Variants in OPRM1 observed in about 807,000 individuals in gnomAD.
OPRM1 encodes the protein mu-type opioid receptor.
A neutral mutation model predicts 31.8 loss-of-function variants in OPRM1; 27 were observed. The observed-to-expected ratio is 0.85, with a 90% CI of 0.63 to 1.17. The LOEUF is 1.17. Among genes scored for constraint, OPRM1 ranks in the 50% most tolerant of loss-of-function variants. OPRM1 has a pLI of 0.00. For missense variants in OPRM1, 536 were observed against 511.1 expected (o/e 1.05, Z -0.47); for synonymous variants, 196 against 189.9 (o/e 1.03, Z -0.26).
chr6:154,088,851 T>C (rs1409871946), intron 1 of OPRM1, among the ~76,000 whole-genome samples: 1 of 152,210 alleles, frequency 6.6e-6, no homozygotes, highest in Non-Finnish European at 1.5e-5. Context: ...TGCCATTCCC[T>C]GGTAGAATGT....
chr6:154,129,218 G>A lies in OPRM1; in HGVS notation c.*10497G>A, dbSNP rs565232089. Among the ~76,000 whole-genome samples the A allele has an allele frequency of 1.1e-4, 17 of 152,298 alleles. No individual in the cohort carries two copies. Among genetic ancestry groups the A allele is most frequent in the Non-Finnish European group, 2.5e-4 (17 of 68,026 alleles). On this transcript the variant is annotated 3_prime_UTR_variant, in exon 4 of 4. Coordinates refer to ENST00000330432, the MANE Select transcript of OPRM1 (RefSeq NM_000914.5). The stretch of plus-strand genomic sequence containing the variant: ...GAGCAAGCAAGGGGTATGTGACAGG[G>A]GCTGCATGCACCGGTGGTCTGGGAG...
chr6:154,170,452 A>G (rs1184364169), intron 3 of OPRM1, among the ~76,000 whole-genome samples: 2 of 152,224 alleles, frequency 1.3e-5, no homozygotes, highest in Admixed American at 6.5e-5. Flanking sequence ...TGCAAGAATT[A>G]GTTTCCCCTA....
chr6:154,190,475 C>A (rs1182149071), intron 3 of OPRM1, among the ~76,000 whole-genome samples: 2 of 152,178 alleles, frequency 1.3e-5, no homozygotes, highest in Non-Finnish European at 2.9e-5. Context: ...TACCCACCTA[C>A]TAGCATGGCG....
In OPRM1 at chr6:154,128,674, T is replaced by C. The variant is rs1455632256; in HGVS notation, c.*9953T>C. ...GTTGAAGCAATCATACTGGTTGTTC[T>C]CGAACTAGCTGGTTTCCCAGAGACA... On this transcript the variant is annotated 3_prime_UTR_variant, in exon 4 of 4. Coordinates refer to ENST00000330432, the MANE Select transcript of OPRM1 (RefSeq NM_000914.5). Among the ~76,000 whole-genome samples the C allele has an allele frequency of 1.3e-5, 2 of 152,220 alleles. No homozygotes were observed. Among genetic ancestry groups the C allele is most frequent in the African/African-American group, 4.8e-5 (2 of 41,466 alleles).
chr6:154,139,507 C>T (rs78090708), intron 3 of OPRM1, among the ~76,000 whole-genome samples: 1,760 of 152,256 alleles, frequency 0.012, 33 homozygotes, highest in African/African-American at 0.041. Context: ...TGAAGAGAAA[C>T]AGCTACCATG....
Position 154,087,217 on chromosome 6 carries a change from A to C in OPRM1, c.291-2609A>C, listed in dbSNP as rs539317838. ...TATTGCAGACCAGATCAGGTATCAG[A>C]ATTTTAAAGCTTCAGTAACAAAGCT... On this transcript the variant is annotated intron_variant, in intron 1 of 3. Transcript: ENST00000330432. The C allele has an allele frequency of 3.0e-6, 3 of 985,438 alleles. No homozygotes were observed. The Middle Eastern group carries it at 1.6e-3, about 515-fold the overall frequency. 61.0% of individuals were successfully genotyped at this position (985,438 alleles called of 1,614,324 possible). A position where few individuals can be genotyped will look rare whatever the true frequency, so the allele number is the denominator to read the frequency against.
intron 3 of OPRM1, among the ~76,000 whole-genome samples, chr6:154,169,436 A>C (rs1024507318): frequency 6.6e-6 from 1 of 152,096 alleles, no homozygotes. Context: ...CTGAGACAAA[A>C]TTCATCTCCA....
At chr6:154,100,873 TTATAAA>T (rs1794733699) in intron 3 of OPRM1, among the ~76,000 whole-genome samples, 2 of 148,876 alleles carry the variant, frequency 1.3e-5, no homozygotes, top group Admixed American at 6.7e-5. Context: ...TTAGGAGATT[TTATAAA>T]TATAAATATA....
At chr6:154,074,820 A>G (rs1197123898) in intron 1 of OPRM1, among the ~76,000 whole-genome samples, 1 of 152,108 alleles carries the variant, frequency 6.6e-6, no homozygotes, top group Non-Finnish European at 1.5e-5. Context: ...AGAAAATGGG[A>G]TGGAAATGGA....
intron 1 of OPRM1, among the ~76,000 whole-genome samples, chr6:154,047,191 A>G (rs1246773879): frequency 3.7e-5 from 2 of 54,740 alleles, no homozygotes; most frequent in African/African-American, 1.4e-4. Flanking sequence ...CCCCCACCCC[A>G]CAGAAGCCAC....
rs148889630 is a variant in OPRM1 at position 154,206,708 on chromosome 6, C to A, written c.1165-39985C>A. On this transcript the variant is annotated intron_variant, in intron 3 of 3. Transcript: ENST00000337049. ...ACTAGAGATGTTCTCATGAAGGAAT[C>A]TACATCTGAAGCTACCATTTTGAAA... Among the ~76,000 whole-genome samples, 228 of 152,296 alleles carry A rather than the reference C, an allele frequency of 1.5e-3. 1 individual carries two copies. The highest frequency in any genetic ancestry group is 5.2e-3 in the African/African-American group (218 of 41,568).
chr6:154,100,702 A>T (rs1000493992), intron 3 of OPRM1, among the ~76,000 whole-genome samples: 2 of 151,612 alleles, frequency 1.3e-5, no homozygotes, highest in African/African-American at 2.4e-5. Context: ...TATAGAGCAC[A>T]TTTTTTGTGT....
intron 3 of OPRM1, among the ~76,000 whole-genome samples, chr6:154,098,101 T>A (rs952937689): frequency 3.8e-4 from 58 of 152,202 alleles, no homozygotes; most frequent in African/African-American, 1.3e-3. Context: ...AGAAAAAAAA[T>A]TTTAATTAGT....
intron 3 of OPRM1, among the ~76,000 whole-genome samples, chr6:154,224,755 T>C (rs1375346032): frequency 6.6e-6 from 1 of 152,086 alleles, no homozygotes; most frequent in Non-Finnish European, 1.5e-5. Flanking sequence ...AACTCAATTC[T>C]AATGGGCACT....
At chr6:154,246,686 T>A (rs1469409749) in intron 3 of OPRM1, 1 of 1,614,020 alleles carries the variant, frequency 6.2e-7, no homozygotes, top group Non-Finnish European at 8.5e-7. Context: ...TCCTTTTTCT[T>A]ATACAGCCAC....
At chr6:154,092,768 C>T (rs1033963336) in intron 3 of OPRM1, among the ~76,000 whole-genome samples, 4 of 152,198 alleles carry the variant, frequency 2.6e-5, no homozygotes, top group Admixed American at 2.0e-4. Flanking sequence ...AATCCTCATA[C>T]CCCTGGTATT....
At chr6:154,207,560 T>TTTTTTTTG (rs1562541490) in intron 3 of OPRM1, among the ~76,000 whole-genome samples, 2 of 147,846 alleles carry the variant, frequency 1.4e-5, no homozygotes, top group African/African-American at 5.0e-5. Flanking sequence ...CTTTTTGGGG[T>TTTTTTTTG]TTTTTTTGTT....
At chr6:154,106,013 T>C (rs780988202) in intron 3 of OPRM1, among the ~76,000 whole-genome samples, 3 of 152,200 alleles carry the variant, frequency 2.0e-5, no homozygotes, top group Non-Finnish European at 2.9e-5. Context: ...TTTATTCCAA[T>C]GTTTAATTTA....
At chr6:154,159,644 C>T (rs1372595222) in intron 3 of OPRM1, 2 of 604,160 alleles carry the variant, frequency 3.3e-6, no homozygotes, top group East Asian at 2.8e-5. Context: ...GGATGCGTTA[C>T]GACTGAAATG....
Sources: allele counts gnomAD v4.1 joint callset (sites outside exome capture counted in the v4.1 genomes callset), GRCh38; gene constraint gnomAD v4.1.1; transcripts MANE v1.5; gene names NCBI Gene and HGNC (gene_info 2026-07-23, HGNC 2026-07-21).